The following CNTNAP2 variants were observed in gnomAD, a reference collection of about 807,000 sequenced individuals.
CNTNAP2 encodes contactin-associated protein-like 2.
CNTNAP2 carries 98 observed loss-of-function variants against 155.2 expected under a neutral mutation model. The observed-to-expected ratio is 0.63, with a 90% confidence interval of 0.54 to 0.75. The LOEUF (loss-of-function observed/expected upper bound fraction) is 0.75. CNTNAP2 is among the 30% of genes least tolerant of loss of function. The probability of loss-of-function intolerance (pLI) is 0.00; values close to 1 mark genes in which losing one functional copy is unlikely to be tolerated. For synonymous variants in CNTNAP2, 651 were observed against 631.2 expected, an observed-to-expected ratio of 1.03 and a Z score of -0.47; for missense variants, 1,727 against 1,688.1, an observed-to-expected ratio of 1.02 and a Z score of -0.40.
chr7:146,711,815 A>G (rs1174313607), intron 1 of CNTNAP2, among the ~76,000 whole-genome samples: 2 of 113,108 alleles, frequency 1.8e-5, no homozygotes, highest in Non-Finnish European at 3.4e-5. Context: ...CATCTTATGT[A>G]TACAATATAG....
chr7:146,650,570 T>G (rs1799893590), intron 1 of CNTNAP2, among the ~76,000 whole-genome samples: 1 of 151,948 alleles, frequency 6.6e-6, no homozygotes, highest in African/African-American at 2.4e-5. Flanking sequence ...AGGAATAGCA[T>G]TAGGAGAAAT....
rs149859664 is a variant in CNTNAP2, at chr7:146,177,368, A to G, written c.97+60395A>G. ...GTGTATTCCAGGCAAGAGATACAAT[A>G]TGAAGAAAAAAAACAACAACAGACT... is the stretch of plus-strand genomic sequence containing the variant. On this transcript the variant is annotated intron_variant, in intron 1 of 23. Coordinates refer to ENST00000361727, the MANE Select transcript of CNTNAP2 (RefSeq NM_014141.6). Among the ~76,000 whole-genome samples, 32 of 152,310 alleles carry G rather than the reference A, an allele frequency of 2.1e-4. 2 individuals carry two copies. In the East Asian group the frequency reaches 6.0e-3, roughly 28 times the overall value.
At chr7:146,723,487 A>T (rs1194656952) in intron 1 of CNTNAP2, among the ~76,000 whole-genome samples, 1 of 152,202 alleles carries the variant, frequency 6.6e-6, no homozygotes, top group Non-Finnish European at 1.5e-5. Context: ...CTAAAATTAT[A>T]CCTATCACAA....
intron 11 of CNTNAP2, among the ~76,000 whole-genome samples, chr7:147,539,889 T>C (rs1799609684): frequency 6.6e-6 from 1 of 152,204 alleles, no homozygotes; most frequent in Non-Finnish European, 1.5e-5. Flanking sequence ...TGTGATGGCT[T>C]TATAACTGCT....
chr7:147,431,451 G>A (rs957870087), intron 10 of CNTNAP2, among the ~76,000 whole-genome samples: 2 of 152,028 alleles, frequency 1.3e-5, no homozygotes, highest in African/African-American at 4.8e-5. Flanking sequence ...AAACATACTT[G>A]AGTCTGTCCC....
intron 11 of CNTNAP2, among the ~76,000 whole-genome samples, chr7:147,536,318 G>C (rs1008042642): frequency 6.6e-6 from 1 of 152,212 alleles, no homozygotes; most frequent in Non-Finnish European, 1.5e-5. Context: ...ATGTGCCAGT[G>C]AGTAGGTACA....
chr7:146,969,500 T>C (rs975310636), intron 3 of CNTNAP2, among the ~76,000 whole-genome samples: 1 of 152,160 alleles, frequency 6.6e-6, no homozygotes, highest in Non-Finnish European at 1.5e-5. Context: ...TGCTCTTGTA[T>C]TGGGTGCATA....
intron 21 of CNTNAP2, among the ~76,000 whole-genome samples, chr7:148,295,350 G>T (rs1170543051): frequency 6.6e-6 from 1 of 151,910 alleles, no homozygotes; most frequent in East Asian, 1.9e-4. Context: ...TTGAACTAAG[G>T]TTTTCTTCTT....
intron 1 of CNTNAP2, among the ~76,000 whole-genome samples, chr7:146,285,986 G>C (rs1234349235): frequency 1.3e-5 from 1 of 79,194 alleles, no homozygotes; most frequent in African/African-American, 5.6e-5. Flanking sequence ...CTCTGTGTGT[G>C]TGTGTGTGTG....
chr7:147,507,550 C>CTTTTTTTTTTTTTTTTTTTTT, intron 11 of CNTNAP2, among the ~76,000 whole-genome samples: 1 of 82,026 alleles, frequency 1.2e-5, no homozygotes, highest in Non-Finnish European at 2.2e-5. Flanking sequence ...CTCTTTCTTT[C>CTTTTTTTTTTTTTTTTTTTTT]TTTTTTTTTT....
rs181692105 is a variant in CNTNAP2 at position 147,710,321 on chromosome 7, C to T, written c.2098+71015C>T. ...AAGCTTCTTAGCTTAGCACATAAATCCCATCATAATTTATCCTCTGTTTCC... is the reference window on the plus strand; with the variant it reads ...AAGCTTCTTAGCTTAGCACATAAATTCCATCATAATTTATCCTCTGTTTCC... On this transcript the variant is annotated intron_variant, in intron 13 of 23. Transcript: ENST00000361727. Among the ~76,000 whole-genome samples the T allele has an allele frequency of 3.9e-5, 6 of 152,206 alleles. No homozygotes were observed. In the East Asian group the frequency reaches 7.7e-4, roughly 20 times the overall value.
intron 1 of CNTNAP2, among the ~76,000 whole-genome samples, chr7:146,444,519 T>C (rs936841011): frequency 6.6e-6 from 1 of 152,134 alleles, no homozygotes; most frequent in Non-Finnish European, 1.5e-5. Flanking sequence ...ACCAAAGTAA[T>C]GGATGAGCCA....
At chr7:147,906,115 T>G (rs1799953359) in intron 14 of CNTNAP2, among the ~76,000 whole-genome samples, 2 of 152,204 alleles carry the variant, frequency 1.3e-5, no homozygotes, top group Admixed American at 1.3e-4. Flanking sequence ...AGTTGACAGT[T>G]TTGAAAACAT....
intron 16 of CNTNAP2, among the ~76,000 whole-genome samples, chr7:148,130,877 C>G (rs1347010666): frequency 1.3e-5 from 2 of 152,044 alleles, no homozygotes; most frequent in African/African-American, 2.4e-5. Flanking sequence ...CCCAAAAATA[C>G]CAAAATTTTT....
chr7:147,640,219 A>C (rs911709068), intron 13 of CNTNAP2, among the ~76,000 whole-genome samples: 3 of 152,136 alleles, frequency 2.0e-5, no homozygotes, highest in East Asian at 3.9e-4. Flanking sequence ...GCCTTGCCTC[A>C]TACATTTATT....
chr7:147,903,725 A>T lies in CNTNAP2; in HGVS notation c.2255+4A>T. On this transcript the variant is annotated splice_donor_region_variant and intron_variant, in intron 14 of 23. Coordinates refer to ENST00000361727, the MANE Select transcript of CNTNAP2 (RefSeq NM_014141.6). ...GCGACGCGGACTACAAGCAATGGTGAGTGCCTGCGGGCAGCACAGCCAGGC... is the reference window on the plus strand; with the variant it reads ...GCGACGCGGACTACAAGCAATGGTGTGTGCCTGCGGGCAGCACAGCCAGGC... 1.2e-6 allele frequency: 2 copies of T among 1,613,444 alleles called. No individual in the cohort carries two copies. Among genetic ancestry groups the T allele is most frequent in the Non-Finnish European group, 1.7e-6 (2 of 1,179,748 alleles).
chr7:147,493,995 C>G (rs769662270), intron 11 of CNTNAP2, among the ~76,000 whole-genome samples: 4 of 152,152 alleles, frequency 2.6e-5, no homozygotes, highest in Admixed American at 2.6e-4. Flanking sequence ...TAAGCCCTTG[C>G]TCAGCTGTAT....
chr7:147,751,054 A>C (rs559324615), intron 13 of CNTNAP2, among the ~76,000 whole-genome samples: 23 of 151,464 alleles, frequency 1.5e-4, no homozygotes. Flanking sequence ...ATAAAAAATA[A>C]AAATAATAAT....
chr7:146,849,640 C>T lies in CNTNAP2; in HGVS notation c.402+9736C>T, dbSNP rs75428020. 9.4e-3 allele frequency among the ~76,000 whole-genome samples: 1,431 copies of T among 152,132 alleles called. 15 individuals are homozygous for T. Among genetic ancestry groups the T allele is most frequent in the Non-Finnish European group, 0.016 (1,054 of 67,994 alleles). Reference sequence around the variant, plus strand: ...GTAAAAGCGATATAATTGTATTTACCTTATGCGATTTTTGTGAGAAATAAA... The same window carrying T: ...GTAAAAGCGATATAATTGTATTTACTTTATGCGATTTTTGTGAGAAATAAA... On this transcript the variant is annotated intron_variant, in intron 3 of 23. Transcript: ENST00000361727.
Sources: allele counts gnomAD v4.1 joint callset (sites outside exome capture counted in the v4.1 genomes callset), GRCh38; gene constraint gnomAD v4.1.1; transcripts MANE v1.5; gene names NCBI Gene and HGNC (gene_info 2026-07-23, HGNC 2026-07-21).